Variants in KCNAB1 observed in about 807,000 individuals in gnomAD.
KCNAB1 encodes the protein voltage-gated potassium channel subunit beta-1.
KCNAB1 carries 35 observed loss-of-function variants against 64.6 expected under a neutral mutation model. That is an observed-to-expected ratio of 0.54 (90% CI 0.41 to 0.72). The LOEUF (loss-of-function observed/expected upper bound fraction) is 0.72, where lower values mean the gene tolerates loss of function less well. Ranked by LOEUF, KCNAB1 falls within the 30% of genes least tolerant of loss-of-function variation. The probability of loss-of-function intolerance (pLI) is 0.00; values close to 1 mark genes in which losing one functional copy is unlikely to be tolerated. For missense variants in KCNAB1, 401 were observed against 512.9 expected (o/e 0.78, Z 2.11); for synonymous variants, 177 against 183.8 (o/e 0.96, Z 0.30).
intron 2 of KCNAB1, among the ~76,000 whole-genome samples, chr3:156,424,802 CATTTTAGTG>C (rs1193549073): frequency 2.6e-5 from 4 of 152,074 alleles, no homozygotes; most frequent in African/African-American, 9.7e-5. Flanking sequence ...GAGGTGCAGG[CATTTTAGTG>C]AACTTTGAAA....
chr3:156,302,435 C>T (rs976884000), intron 1 of KCNAB1, among the ~76,000 whole-genome samples: 10 of 152,106 alleles, frequency 6.6e-5, no homozygotes, highest in African/African-American at 2.4e-4. Flanking sequence ...GTTAAAGGAA[C>T]CCTAAAGTAT....
At chr3:156,489,591 A>G (rs552486590) in intron 8 of KCNAB1, among the ~76,000 whole-genome samples, 4 of 152,302 alleles carry the variant, frequency 2.6e-5, no homozygotes, top group African/African-American at 7.2e-5. Flanking sequence ...GGAAAAAAGT[A>G]AGGAAACATC....
chr3:156,471,499 T>C (rs1178393461), intron 7 of KCNAB1, among the ~76,000 whole-genome samples: 1 of 152,204 alleles, frequency 6.6e-6, no homozygotes, highest in African/African-American at 2.4e-5. Flanking sequence ...TTTTCCTCTT[T>C]CCACAGACGC....
At chr3:156,160,073 T>C (rs1427896924) in intron 1 of KCNAB1, among the ~76,000 whole-genome samples, 2 of 152,204 alleles carry the variant, frequency 1.3e-5, no homozygotes, top group Admixed American at 1.3e-4. Flanking sequence ...CAGGGATGAC[T>C]TCTTAGAGGC....
intron 1 of KCNAB1, among the ~76,000 whole-genome samples, chr3:156,145,212 C>T (rs1221707847): frequency 2.0e-5 from 3 of 152,308 alleles, no homozygotes; most frequent in Admixed American, 6.5e-5. Flanking sequence ...AATGTTGCCC[C>T]TAAATCAGTT....
chr3:156,536,597 CA>C, intron 13 of KCNAB1, 60 bp from the exon 14 acceptor site: 9 of 1,217,084 alleles, frequency 7.4e-6, no homozygotes, highest in Non-Finnish European at 1.1e-5. Context: ...ATATAGAGCA[CA>C]AAAAACCGAA....
At chr3:156,178,726 G>A (rs1712563722) in intron 1 of KCNAB1, among the ~76,000 whole-genome samples, 1 of 151,960 alleles carries the variant, frequency 6.6e-6, no homozygotes, top group Non-Finnish European at 1.5e-5. Flanking sequence ...TTTTGGCCGG[G>A]CGCGGTGGCT....
At chr3:156,532,119 T>C (rs1048113375) in intron 13 of KCNAB1, among the ~76,000 whole-genome samples, 6 of 152,190 alleles carry the variant, frequency 3.9e-5, no homozygotes, top group Non-Finnish European at 7.4e-5. Context: ...CAAAATTCTA[T>C]TTTGGACTTC....
At chr3:156,173,727 G>A (rs1319143920) in intron 1 of KCNAB1, among the ~76,000 whole-genome samples, 1 of 152,218 alleles carries the variant, frequency 6.6e-6, no homozygotes, top group East Asian at 1.9e-4. Context: ...CAGGGCCACA[G>A]GGTGCCCAGA....
intron 1 of KCNAB1, among the ~76,000 whole-genome samples, chr3:156,177,904 A>T (rs1337417245): frequency 1.4e-5 from 2 of 145,704 alleles, no homozygotes; most frequent in Non-Finnish European, 3.0e-5. Context: ...TGCTCAGCTA[A>T]TTTTTGTATT....
intron 1 of KCNAB1, among the ~76,000 whole-genome samples, chr3:156,284,653 G>A (rs1265206408): frequency 6.6e-6 from 1 of 152,198 alleles, no homozygotes; most frequent in African/African-American, 2.4e-5. Context: ...AGCCAGGTGT[G>A]GGATATAGTC....
intron 1 of KCNAB1, among the ~76,000 whole-genome samples, chr3:156,230,861 A>G (rs1313727018): frequency 6.6e-6 from 1 of 152,234 alleles, no homozygotes; most frequent in Non-Finnish European, 1.5e-5. Context: ...ATTTACTTTT[A>G]CAAAAAGTTT....
intron 1 of KCNAB1, among the ~76,000 whole-genome samples, chr3:156,172,433 C>T (rs546103838): frequency 5.9e-5 from 9 of 152,272 alleles, no homozygotes; most frequent in African/African-American, 1.7e-4. Context: ...GCATTCACCA[C>T]CACACCCAGC....
At chr3:156,426,173 G>C (rs1715802677) in intron 2 of KCNAB1, among the ~76,000 whole-genome samples, 1 of 152,098 alleles carries the variant, frequency 6.6e-6, no homozygotes, top group South Asian at 2.1e-4. Flanking sequence ...CAAATCCAAA[G>C]GTCCCCAGGT....
rs543424795 is a variant in KCNAB1, at chr3:156,356,715, G to A, written c.276-64901G>A. On this transcript the variant is annotated intron_variant, in intron 1 of 13. Transcript: ENST00000490337. ...GATTTGTCATCACTGGCTCCACAAC[G>A]TACACTGTGGGTTTCTAAATAAACT... Among the ~76,000 whole-genome samples, 13 of 152,264 alleles carry A rather than the reference G, an allele frequency of 8.5e-5. No homozygotes were observed. The South Asian group carries it at 2.7e-3, about 32-fold the overall frequency.
At chr3:156,119,010 C>T (rs1713203876), upstream of KCNAB1, among the ~76,000 whole-genome samples, 1 of 152,222 alleles carries the variant, frequency 6.6e-6, no homozygotes, top group Non-Finnish European at 1.5e-5. Context: ...CAGTTGCCTC[C>T]TTTGATACAT....
intron 6 of KCNAB1, 142 bp from the exon 7 acceptor site, chr3:156,465,501 C>T: frequency 3.0e-6 from 2 of 662,988 alleles, no homozygotes; most frequent in Non-Finnish European, 5.2e-6. Context: ...GTGTTGCCCA[C>T]CAGACTTCTC....
intron 1 of KCNAB1, among the ~76,000 whole-genome samples, chr3:156,127,660 T>A (rs948282361): frequency 6.6e-6 from 1 of 152,114 alleles, no homozygotes; most frequent in Admixed American, 6.5e-5. Context: ...CCACTAAAGA[T>A]GGTGATGATG....
chr3:156,514,521 G>T (rs1717429478), intron 9 of KCNAB1, 72 bp downstream of exon 9: 3 of 1,195,146 alleles, frequency 2.5e-6, no homozygotes, highest in Admixed American at 1.7e-5. Context: ...TGCATAAATT[G>T]CAAGATCTTT....
Sources: gnomAD v4.1 joint callset for allele counts (sites outside exome capture counted in the v4.1 genomes callset) on GRCh38, gnomAD v4.1.1 for gene constraint, MANE v1.5 for transcripts, NCBI Gene and HGNC (gene_info 2026-07-23, HGNC 2026-07-21) for gene names.